UBR1: variants seen among roughly 807,000 people sequenced by gnomAD.
UBR1 encodes the protein ubiquitin protein ligase E3 component n-recognin 1, also known as E3 ubiquitin-protein ligase UBR1.
UBR1 carries 102 observed loss-of-function variants against 242.1 expected under a neutral mutation model. That is an observed-to-expected ratio of 0.42 (90% confidence interval 0.36 to 0.50). The LOEUF (loss-of-function observed/expected upper bound fraction) is 0.50. Ranked by LOEUF, UBR1 falls within the 20% of genes least tolerant of loss-of-function variation. UBR1 has a pLI of 0.01. For synonymous variants in UBR1, 675 were observed against 684.8 expected, an observed-to-expected ratio of 0.99 and a Z score of 0.22; for missense variants, 1,772 against 2,101.8, an observed-to-expected ratio of 0.84 and a Z score of 3.07.
At chr15:42,964,834 T>G (rs541371853) in intron 41 of UBR1, among the ~76,000 whole-genome samples, 5 of 152,230 alleles carry the variant, frequency 3.3e-5, no homozygotes, top group Non-Finnish European at 5.9e-5. Context: ...TCTATGTAGC[T>G]GTTTGCTCAA....
At chr15:43,068,784 C>G (rs1567142495) in intron 5 of UBR1, among the ~76,000 whole-genome samples, 3 of 152,114 alleles carry the variant, frequency 2.0e-5, no homozygotes, top group Non-Finnish European at 4.4e-5. Context: ...CCACACTTGG[C>G]TAATTTTTAT....
chr15:43,095,708 T>C (rs2034151720), intron 1 of UBR1, among the ~76,000 whole-genome samples: 1 of 152,192 alleles, frequency 6.6e-6, no homozygotes, highest in South Asian at 2.1e-4. Flanking sequence ...TGTTAGGTCA[T>C]CTGAGGCAAG....
chr15:43,037,978 A>G, intron 16 of UBR1, 95 bp from the exon 17 acceptor site: 1 of 1,268,820 alleles, frequency 7.9e-7, no homozygotes, highest in Non-Finnish European at 1.1e-6. Context: ...TCTCACGTGA[A>G]AAATGGAAGA....
chr15:43,024,891 T>G lies in UBR1; in HGVS notation c.2677A>C (p.Thr893Pro), dbSNP rs2033159327. 1 of 1,614,204 alleles carries G rather than the reference T, an allele frequency of 6.2e-7. No homozygotes were observed. Among genetic ancestry groups the G allele is most frequent in the Admixed American group, 1.7e-5 (1 of 60,032 alleles). ...GTGTCTATTGCCCGCTCAAATACGGTCCTGAGAATGTACATCATGATATCA... is the reference window on the plus strand; with the variant it reads ...GTGTCTATTGCCCGCTCAAATACGGGCCTGAGAATGTACATCATGATATCA... ...NCDIMMYILR[T>P]VFERAIDTDS... The change falls in exon 25 of 47, where the codon ACC becomes CCC. Residue 893 changes from threonine (T) to proline (P), a missense_variant. Thr to Pro is a conservative substitution (Grantham distance 38, BLOSUM62 -1). Transcript: ENST00000290650.
At chr15:42,952,474 G>A in intron 44 of UBR1, 26 bp from the exon 45 acceptor site, 1 of 1,613,628 alleles carries the variant, frequency 6.2e-7, no homozygotes, top group Non-Finnish European at 8.5e-7. Flanking sequence ...AACATTTAGA[G>A]AATGATGGAA....
rs1181801186 is a variant in UBR1, at chr15:42,943,375, AT to A, written c.*1953del. 3 of 152,758 alleles carry A rather than the reference AT, an allele frequency of 2.0e-5. No homozygotes were observed. The East Asian group carries it at 5.8e-4, about 29-fold the overall frequency. The allele number at this position is 152,758 out of a possible 1,614,324, so 9.5% of individuals were successfully genotyped here. A position where few individuals can be genotyped will look rare whatever the true frequency, so the allele number is the denominator to read the frequency against. ...AATGATTAAGGTAAATCACTAGGAC[AT>A]TTGAACATAATGAGAAATCCCTGGG... On this transcript the variant is annotated 3_prime_UTR_variant, in exon 47 of 47. Coordinates refer to ENST00000290650, the MANE Select transcript of UBR1 (RefSeq NM_174916.3).
At chr15:43,055,330 G>A (rs1364142617) in intron 11 of UBR1, among the ~76,000 whole-genome samples, 1 of 152,076 alleles carries the variant, frequency 6.6e-6, no homozygotes, top group Non-Finnish European at 1.5e-5. Flanking sequence ...TGTAATCTCA[G>A]TTATTCAGGA....
intron 29 of UBR1, among the ~76,000 whole-genome samples, chr15:43,014,848 C>G (rs972050558): frequency 6.7e-6 from 1 of 150,052 alleles, no homozygotes; most frequent in African/African-American, 2.5e-5. Context: ...GGTCAGCCCC[C>G]GCCCGGCCAG....
chr15:43,059,813 T>C lies in UBR1; in HGVS notation c.874A>G (p.Asn292Asp). ...AKEDIKSHSE[N>D]VSQHPLHVEV... ...ACATGAAGTGGATGTTGAGAGACATTTTCTGAATGACTCTACAAATGAAGG... is the reference window on the plus strand; with the variant it reads ...ACATGAAGTGGATGTTGAGAGACATCTTCTGAATGACTCTACAAATGAAGG... The change falls in exon 8 of 47, where the codon AAT becomes GAT. Residue 292 changes from asparagine to aspartate, a missense_variant. Transcript: ENST00000290650. 6.2e-7 allele frequency: 1 copy of C among 1,614,058 alleles called. No individual in the cohort carries two copies. Among genetic ancestry groups the C allele is most frequent in the Non-Finnish European group, 8.5e-7 (1 of 1,179,968 alleles).
intron 19 of UBR1, among the ~76,000 whole-genome samples, chr15:43,034,946 T>A (rs1251162111): frequency 6.7e-6 from 1 of 148,500 alleles, no homozygotes; most frequent in East Asian, 2.0e-4. Flanking sequence ...ATCCAACAAA[T>A]CCACTTCTAA....
chr15:42,977,253 C>T (rs1330309791), intron 38 of UBR1, among the ~76,000 whole-genome samples: 1 of 152,084 alleles, frequency 6.6e-6, no homozygotes, highest in African/African-American at 2.4e-5. Context: ...CAAAGTTCCC[C>T]AGGAGATTCC....
chr15:43,099,293 C>T (rs549790822), intron 1 of UBR1, among the ~76,000 whole-genome samples: 59 of 151,536 alleles, frequency 3.9e-4, no homozygotes, highest in Non-Finnish European at 8.0e-4. Context: ...GCCAAGATTG[C>T]ACCACTGCAC....
chr15:43,070,078 T>G (rs1406984894), intron 5 of UBR1, among the ~76,000 whole-genome samples: 1 of 151,982 alleles, frequency 6.6e-6, no homozygotes, highest in East Asian at 1.9e-4. Context: ...CTATTTAGAT[T>G]TGGGCTGCAA....
At chr15:43,006,351 A>G (rs903999708) in intron 30 of UBR1, among the ~76,000 whole-genome samples, 6 of 152,248 alleles carry the variant, frequency 3.9e-5, no homozygotes, top group African/African-American at 1.4e-4. Context: ...AGTCTTTATT[A>G]TCACTATTAT....
chr15:42,972,798 G>T (rs1010951940), intron 39 of UBR1, among the ~76,000 whole-genome samples: 1 of 152,220 alleles, frequency 6.6e-6, no homozygotes, highest in East Asian at 1.9e-4. Flanking sequence ...GAATAAAGCT[G>T]CTATAAACAT....
At chr15:43,099,753 A>G (rs1267984557) in intron 1 of UBR1, among the ~76,000 whole-genome samples, 1 of 152,196 alleles carries the variant, frequency 6.6e-6, no homozygotes, top group Non-Finnish European at 1.5e-5. Context: ...GGCCTTCAAG[A>G]ACTTCACTGT....
At chr15:43,023,417 C>A (rs775972679) in intron 25 of UBR1, among the ~76,000 whole-genome samples, 1 of 151,450 alleles carries the variant, frequency 6.6e-6, no homozygotes, top group East Asian at 1.9e-4. Flanking sequence ...CATGGTGAAA[C>A]CTTGTCTCTA....
chr15:43,008,613 C>A (rs1285755464), intron 29 of UBR1, among the ~76,000 whole-genome samples: 1 of 152,230 alleles, frequency 6.6e-6, no homozygotes, highest in Non-Finnish European at 1.5e-5. Flanking sequence ...GGTCCCCAAG[C>A]CAGGAATGGC....
rs191550212 is a variant in UBR1, at chr15:43,026,691, C to G, written c.2433-28G>C. The G allele has an allele frequency of 2.0e-4, 317 of 1,553,316 alleles. No homozygotes were observed. In the African/African-American group the frequency reaches 4.0e-3, roughly 20 times the overall value. ...AAATAGATGGAAAATACAAGATGAACTGCAGTGTTCTTGAAGTATAAAATA... is the reference window on the plus strand; with the variant it reads ...AAATAGATGGAAAATACAAGATGAAGTGCAGTGTTCTTGAAGTATAAAATA... On this transcript the variant is annotated intron_variant, in intron 22 of 46. Transcript: ENST00000290650.
Sources: gnomAD v4.1 joint callset for allele counts (sites outside exome capture counted in the v4.1 genomes callset) on GRCh38, gnomAD v4.1.1 for gene constraint, MANE v1.5 for transcripts, NCBI Gene and HGNC (gene_info 2026-07-23, HGNC 2026-07-21) for gene names.